The following CHST12 variants were observed in gnomAD, a reference collection of about 807,000 sequenced individuals.
CHST12 encodes carbohydrate sulfotransferase 12.
A neutral mutation model predicts 27.9 loss-of-function variants in CHST12; 23 were observed. That is an observed-to-expected ratio of 0.82 (90% CI 0.59 to 1.17). The LOEUF (loss-of-function observed/expected upper bound fraction) is 1.17. Ranked by LOEUF, CHST12 falls within the 50% of genes most tolerant of loss-of-function variation. The pLI, the probability that CHST12 is intolerant of heterozygous loss-of-function variation, is 0.00. For missense variants in CHST12, 682 were observed against 603.0 expected (o/e 1.13, Z -1.37); for synonymous variants, 322 against 273.0 (o/e 1.18, Z -1.77).
rs1326137639 is a variant in CHST12, at chr7:2,447,500, T to A, written c.*13616T>A. ...TTTTGTTGTTGTTGTTGAGACAGAG[T>A]CTTGCTCTGTCGCCCAGGCTGGAGT... On this transcript the variant is annotated 3_prime_UTR_variant, in exon 2 of 2. Coordinates refer to ENST00000618655, the MANE Select transcript of CHST12 (RefSeq NM_018641.5). The A allele has an allele frequency of 6.6e-6, 1 of 152,318 alleles. No homozygotes were observed. The highest frequency in any genetic ancestry group is 2.4e-5 in the African/African-American group (1 of 41,436). The allele number at this position is 152,318 out of a possible 1,614,324, so 9.4% of individuals were successfully genotyped here.
chr7:2,420,387 C>T (rs1171116587), intron 1 of CHST12, among the ~76,000 whole-genome samples: 3 of 152,174 alleles, frequency 2.0e-5, no homozygotes, highest in Admixed American at 6.6e-5. Context: ...TAATATTCTA[C>T]TACATGGGTT....
intron 1 of CHST12, 143 bp from the exon 2 acceptor site, chr7:2,432,420 C>T: frequency 3.4e-6 from 2 of 595,092 alleles, no homozygotes; most frequent in Non-Finnish European, 3.0e-6. Flanking sequence ...TGACCTCAGC[C>T]TCCAGCCCCT....
intron 1 of CHST12, among the ~76,000 whole-genome samples, chr7:2,422,186 G>A (rs1368126332): frequency 6.6e-6 from 1 of 151,944 alleles, no homozygotes; most frequent in African/African-American, 2.4e-5. Flanking sequence ...ATCTTAATTG[G>A]CAACTTCCCT....
At chr7:2,426,749 T>C (rs531205386) in intron 1 of CHST12, among the ~76,000 whole-genome samples, 1 of 151,956 alleles carries the variant, frequency 6.6e-6, no homozygotes, top group East Asian at 1.9e-4. Flanking sequence ...CCCAGCACTT[T>C]GGAGGCCGAG....
chr7:2,427,998 A>C (rs1782172561), intron 1 of CHST12, among the ~76,000 whole-genome samples: 1 of 150,554 alleles, frequency 6.6e-6, no homozygotes, highest in South Asian at 2.1e-4. Context: ...TTGTATTTTT[A>C]GTAGAGACGG....
intron 1 of CHST12, among the ~76,000 whole-genome samples, chr7:2,427,203 A>G (rs886665465): frequency 2.0e-5 from 3 of 151,922 alleles, no homozygotes; most frequent in Non-Finnish European, 4.4e-5. Context: ...AAAAAGAGAG[A>G]GAGAGAGACA....
chr7:2,412,633 A>T (rs1006358266), intron 1 of CHST12, among the ~76,000 whole-genome samples: 1 of 152,306 alleles, frequency 6.6e-6, no homozygotes. Flanking sequence ...GAAACCTACC[A>T]ATTCTGCCTA....
intron 1 of CHST12, among the ~76,000 whole-genome samples, chr7:2,414,267 CT>C (rs2115396946): frequency 6.6e-6 from 1 of 151,864 alleles, no homozygotes; most frequent in African/African-American, 2.4e-5. Context: ...CTTTTACTTT[CT>C]TTTTTTATTT....
In CHST12 at chr7:2,448,421, G is replaced by A. The variant is rs1415265101; in HGVS notation, c.*14537G>A. ...AAACCTCGAAGCTCAGGACCTCACA[G>A]AGCACCACGTCCTCTTCTGTGTCAT... On this transcript the variant is annotated 3_prime_UTR_variant, in exon 2 of 2. Coordinates refer to ENST00000618655, the MANE Select transcript of CHST12 (RefSeq NM_018641.5). 2 of 152,398 alleles carry A rather than the reference G, an allele frequency of 1.3e-5. No individual in the cohort carries two copies. 9.4% of individuals were successfully genotyped at this position (152,398 alleles called of 1,614,324 possible). A position where few individuals can be genotyped will look rare whatever the true frequency, so the allele number is the denominator to read the frequency against.
chr7:2,408,516 G>A (rs917686678), intron 1 of CHST12, among the ~76,000 whole-genome samples: 2 of 152,148 alleles, frequency 1.3e-5, no homozygotes, highest in African/African-American at 4.8e-5. Flanking sequence ...GTGGAAAAAG[G>A]CAGAAGAACT....
chr7:2,433,270 A>G lies in CHST12; in HGVS notation c.631A>G (p.Ser211Gly). ...CCCGCGCGAGCACGTGCACAACGCC[A>G]GCGCGCACCTGACCTTCAACAAGTT... is the stretch of plus-strand genomic sequence containing the variant. ...RIPREHVHNA[S>G]AHLTFNKFWR... Residue 211 changes from serine (S) to glycine (G), a missense_variant, in exon 2 of 2, where the codon AGC becomes GGC. Ser to Gly is a moderately conservative substitution (Grantham distance 56). Coordinates refer to ENST00000618655, the MANE Select transcript of CHST12 (RefSeq NM_018641.5). The surrounding 1 kb of genome is among the most constrained non-coding windows in gnomAD (Gnocchi z 6.1). 1 of 1,611,696 alleles carries G rather than the reference A, an allele frequency of 6.2e-7. No individual in the cohort carries two copies. Among genetic ancestry groups the G allele is most frequent in the Non-Finnish European group, 8.5e-7 (1 of 1,178,638 alleles).
At chr7:2,407,729 A>G (rs993236953) in intron 1 of CHST12, among the ~76,000 whole-genome samples, 2 of 151,970 alleles carry the variant, frequency 1.3e-5, no homozygotes, top group South Asian at 4.1e-4. Context: ...CAGGAGTTCG[A>G]GACCAGCCTG....
intron 1 of CHST12, among the ~76,000 whole-genome samples, chr7:2,425,256 G>A (rs1369308396): frequency 5.4e-5 from 8 of 148,890 alleles, no homozygotes; most frequent in Non-Finnish European, 4.5e-5. Context: ...AACAAACCCC[G>A]GCCCAGTGAG....
intron 1 of CHST12, among the ~76,000 whole-genome samples, chr7:2,408,438 CAA>C: frequency 6.8e-6 from 1 of 147,252 alleles, no homozygotes; most frequent in East Asian, 2.0e-4. Context: ...AATCTCAGAA[CAA>C]GAGGAGAAAG....
chr7:2,446,250 G>A lies in CHST12; in HGVS notation c.*12366G>A, dbSNP rs1165647648. Reference sequence around the variant, plus strand: ...GACCTCAGGCCGTTGACAAGGAAAAGCGGAGAGTTGGGAAAAAAGGACAAA... The same window carrying A: ...GACCTCAGGCCGTTGACAAGGAAAAACGGAGAGTTGGGAAAAAAGGACAAA... On this transcript the variant is annotated 3_prime_UTR_variant, in exon 2 of 2. Coordinates refer to ENST00000618655, the MANE Select transcript of CHST12 (RefSeq NM_018641.5). 2.0e-5 allele frequency: 3 copies of A among 152,776 alleles called. No homozygotes were observed. The highest frequency in any genetic ancestry group is 4.4e-5 in the Non-Finnish European group (3 of 68,142). 9.5% of individuals were successfully genotyped at this position (152,776 alleles called of 1,614,324 possible). A position where few individuals can be genotyped will look rare whatever the true frequency, so the allele number is the denominator to read the frequency against.
At chr7:2,424,877 G>C (rs1304854363) in intron 1 of CHST12, among the ~76,000 whole-genome samples, 1 of 152,158 alleles carries the variant, frequency 6.6e-6, no homozygotes, top group African/African-American at 2.4e-5. Context: ...GTTGTAATCA[G>C]GGTGCCCCCG....
rs766375870 is a variant in CHST12 at position 2,432,825 on chromosome 7, C to T, written c.186C>T (p.Ala62=). The T allele has an allele frequency of 3.2e-5, 52 of 1,613,726 alleles. No individual in the cohort carries two copies. The highest frequency in any genetic ancestry group is 6.7e-5 in the East Asian group (3 of 44,890). Residue 62 remains alanine (A), a synonymous_variant, in exon 2 of 2, where the codon GCC becomes GCT. Coordinates refer to ENST00000618655, the MANE Select transcript of CHST12 (RefSeq NM_018641.5). ...PGPDRDRELT[A]DSDVDEFLDK... ...CGGACAGGGACAGGGAGCTCACGGC[C>T]GACTCCGATGTCGACGAGTTTCTGG... is the stretch of plus-strand genomic sequence containing the variant.
intron 1 of CHST12, among the ~76,000 whole-genome samples, chr7:2,419,836 C>T (rs1170460660): frequency 1.3e-5 from 2 of 152,006 alleles, no homozygotes; most frequent in Admixed American, 6.6e-5. Flanking sequence ...TCTTGTAAAA[C>T]TAAAGCTCTG....
intron 1 of CHST12, among the ~76,000 whole-genome samples, chr7:2,410,325 A>G (rs1215163399): frequency 6.6e-6 from 1 of 152,110 alleles, no homozygotes; most frequent in African/African-American, 2.4e-5. Flanking sequence ...TCAGTGCAGG[A>G]AGACAGTGAG....
Sources: gnomAD v4.1 joint callset for allele counts (sites outside exome capture counted in the v4.1 genomes callset) on GRCh38, gnomAD v4.1.1 for gene constraint, Gnocchi (gnomAD v3.1) non-coding constraint, MANE v1.5 for transcripts, NCBI Gene and HGNC (gene_info 2026-07-23, HGNC 2026-07-21) for gene names.